SULT1C4: variants seen among roughly 807,000 people sequenced by gnomAD.
SULT1C4 encodes the protein sulfotransferase family 1C member 4.
Under a neutral mutation model 34.8 loss-of-function variants are expected in SULT1C4, and 32 were observed. The observed-to-expected ratio is 0.92, with a 90% CI of 0.69 to 1.23. The LOEUF (loss-of-function observed/expected upper bound fraction) is 1.23, where lower values mean the gene tolerates loss of function less well. SULT1C4 is among the 50% of genes most tolerant of loss of function. The pLI is 0.00. For synonymous variants in SULT1C4, 111 were observed against 120.5 expected (o/e 0.92, Z 0.51); for missense variants, 375 against 365.9 (o/e 1.02, Z -0.20).
chr2:108,387,437 G>A lies in SULT1C4; in HGVS notation c.*5G>A. On this transcript the variant is annotated 3_prime_UTR_variant, in exon 7 of 7. Transcript: ENST00000272452. ...ACTTTCCACTTCCAGTTCTAGTAAGGAAGAAAAACTGAAAATGTTTTAGTT... is the reference window on the plus strand; with the variant it reads ...ACTTTCCACTTCCAGTTCTAGTAAGAAAGAAAAACTGAAAATGTTTTAGTT... The A allele has an allele frequency of 6.3e-7, 1 of 1,587,326 alleles. No homozygotes were observed. The highest frequency in any genetic ancestry group is 2.2e-5 in the East Asian group (1 of 44,612).
At chr2:108,380,389 C>A (rs550131388) in intron 1 of SULT1C4, among the ~76,000 whole-genome samples, 20 of 152,166 alleles carry the variant, frequency 1.3e-4, no homozygotes, top group Admixed American at 3.9e-4. Flanking sequence ...GTGGTGTGCA[C>A]TCACAGTCCT....
chr2:108,378,435 A>G lies in SULT1C4; in HGVS notation c.98A>G (p.Asp33Gly). The change falls in exon 1 of 7, where the codon GAC becomes GGC. Residue 33 changes from aspartate to glycine, a missense_variant. Coordinates refer to ENST00000272452, the MANE Select transcript of SULT1C4 (RefSeq NM_006588.4). ...KGILQPTDTC[D>G]IWDKIWNFQA... is the part of the protein sequence containing the mutation. ...ATTCTTCAACCGACAGACACCTGTG[A>G]CATCTGGGATAAGATCTGGAACTTC... 1.9e-6 allele frequency: 3 copies of G among 1,614,202 alleles called. No individual in the cohort carries two copies. The highest frequency in any genetic ancestry group is 8.5e-7 in the Non-Finnish European group (1 of 1,180,030).
chr2:108,386,331 C>CA lies in SULT1C4; in HGVS notation c.755_756insA (p.Glu253Ter), dbSNP rs765782851. 6.4e-7 allele frequency: 1 copy of CA among 1,567,528 alleles called. No individual in the cohort carries two copies. Among genetic ancestry groups the CA allele is most frequent in the South Asian group, 1.2e-5 (1 of 81,124 alleles). On this transcript the variant is annotated frameshift_variant, in exon 6 of 7. Transcript: ENST00000272452. LOFTEE classifies it low-confidence loss of function (END_TRUNC). Reference sequence around the variant, plus strand: ...ATGGCAAACTATTCATCGATTCCTGCTGAAATCATGGACCACTCCATTTCT... The same window carrying CA: ...ATGGCAAACTATTCATCGATTCCTGCATGAAATCATGGACCACTCCATTTCT...
rs746928906 is a variant in SULT1C4 at position 108,386,328 on chromosome 2, C to G, written c.752C>G (p.Pro251Arg). The G allele has an allele frequency of 6.4e-7, 1 of 1,567,618 alleles. No individual in the cohort carries two copies. The highest frequency in any genetic ancestry group is 1.8e-5 in the Admixed American group (1 of 54,936). ...QNPMANYSSIPAEIMDHSISP... is the reference protein window; with the variant it reads ...QNPMANYSSIRAEIMDHSISP... ...CCAATGGCAAACTATTCATCGATTC[C>G]TGCTGAAATCATGGACCACTCCATT... Residue 251 changes from proline to arginine, a missense_variant, in exon 6 of 7, where the codon CCT (proline) becomes CGT (arginine). Transcript: ENST00000272452.
At position 108,388,504 on chromosome 2, in the gene SULT1C4, G is replaced by A. The variant is rs1414739210; in HGVS notation, c.*1072G>A. Among the ~76,000 whole-genome samples, 1 of 152,160 alleles carries A rather than the reference G, an allele frequency of 6.6e-6. No individual in the cohort carries two copies. The highest frequency in any genetic ancestry group is 1.5e-5 in the Non-Finnish European group (1 of 68,016). On this transcript the variant is annotated 3_prime_UTR_variant, in exon 7 of 7. Transcript: ENST00000272452. Reference sequence around the variant, plus strand: ...CCTTTTACTTCTTGCCTCAACTAGTGTAATAGCTTCCTAACCCATTTCTCT... The same window carrying A: ...CCTTTTACTTCTTGCCTCAACTAGTATAATAGCTTCCTAACCCATTTCTCT...
chr2:108,379,583 C>A (rs1456702513), intron 1 of SULT1C4, among the ~76,000 whole-genome samples: 1 of 152,126 alleles, frequency 6.6e-6, no homozygotes, highest in Non-Finnish European at 1.5e-5. Context: ...AGATATGGTT[C>A]ATTTAGGTTT....
chr2:108,386,909 G>A (rs1187983153), intron 6 of SULT1C4, among the ~76,000 whole-genome samples: 2 of 152,220 alleles, frequency 1.3e-5, no homozygotes, highest in Non-Finnish European at 2.9e-5. Flanking sequence ...AATTTGTGGG[G>A]GGAGGTCTTA....
chr2:108,388,825 T>C lies in SULT1C4; in HGVS notation c.*1393T>C, dbSNP rs1678636250. Among the ~76,000 whole-genome samples, 1 of 152,154 alleles carries C rather than the reference T, an allele frequency of 6.6e-6. No homozygotes were observed. Among genetic ancestry groups the C allele is most frequent in the South Asian group, 2.1e-4 (1 of 4,824 alleles). On this transcript the variant is annotated 3_prime_UTR_variant, in exon 7 of 7. Coordinates refer to ENST00000272452, the MANE Select transcript of SULT1C4 (RefSeq NM_006588.4). ...ATACCAAGCCTCCTCCTGAAATTTC[T>C]CTTCCTTTCTTTCTACCTACCCAAG...
chr2:108,386,908 G>C (rs552441203), intron 6 of SULT1C4, among the ~76,000 whole-genome samples: 12 of 152,338 alleles, frequency 7.9e-5, no homozygotes, highest in African/African-American at 2.6e-4. Context: ...GAATTTGTGG[G>C]GGGAGGTCTT....
intron 5 of SULT1C4, 72 bp downstream of exon 5, chr2:108,383,582 C>G: frequency 7.3e-7 from 1 of 1,369,680 alleles, no homozygotes. Context: ...TTGACCCCAT[C>G]AGGGACTCAG....
chr2:108,381,814 G>T lies in SULT1C4; in HGVS notation c.222G>T (p.Val74=). ...IVELIQNEGD[V]EKSKRAPTHQ... ...AATTAATACAAAATGAAGGTGATGTGGAGAAAAGTAAACGGGCACCGACTC... is the reference window on the plus strand; with the variant it reads ...AATTAATACAAAATGAAGGTGATGTTGAGAAAAGTAAACGGGCACCGACTC... Residue 74 remains valine (V), a synonymous_variant, in exon 2 of 7, where the codon GTG becomes GTT. Coordinates refer to ENST00000272452, the MANE Select transcript of SULT1C4 (RefSeq NM_006588.4). 6.7e-7 allele frequency: 1 copy of T among 1,495,722 alleles called. No individual in the cohort carries two copies. Among genetic ancestry groups the T allele is most frequent in the Non-Finnish European group, 8.9e-7 (1 of 1,126,758 alleles). 92.7% of individuals were successfully genotyped at this position (1,495,722 alleles called of 1,614,324 possible). A position where few individuals can be genotyped will look rare whatever the true frequency, so the allele number is the denominator to read the frequency against.
chr2:108,386,602 C>T (rs1426800291), intron 6 of SULT1C4, among the ~76,000 whole-genome samples: 2 of 152,204 alleles, frequency 1.3e-5, no homozygotes, highest in African/African-American at 4.8e-5. Flanking sequence ...CTTATCCCCA[C>T]TTTCCCTTAA....
chr2:108,378,760 T>C (rs1573292126), intron 1 of SULT1C4, among the ~76,000 whole-genome samples: 1 of 141,444 alleles, frequency 7.1e-6, no homozygotes. Flanking sequence ...CAGGAGAGAG[T>C]GAAAACAGTT....
intron 1 of SULT1C4, among the ~76,000 whole-genome samples, chr2:108,379,006 C>A (rs570563919): frequency 2.6e-5 from 4 of 152,252 alleles, no homozygotes; most frequent in Non-Finnish European, 5.9e-5. Flanking sequence ...AGTTTTGAAC[C>A]AACTGCCTTA....
At position 108,387,861 on chromosome 2, in the gene SULT1C4, A is replaced by C. The variant is rs1056439298; in HGVS notation, c.*429A>C. On this transcript the variant is annotated 3_prime_UTR_variant, in exon 7 of 7. Transcript: ENST00000272452. ...GCCCAGGCTGGAGTGCAGTGGCACG[A>C]TCTCGGCTCACTGCAAGCTCTGCTT... is the stretch of plus-strand genomic sequence containing the variant. The C allele has an allele frequency of 2.0e-5, 3 of 149,520 alleles. No homozygotes were observed. The highest frequency in any genetic ancestry group is 7.6e-5 in the African/African-American group (3 of 39,418). 9.3% of individuals were successfully genotyped at this position (149,520 alleles called of 1,614,324 possible).
chr2:108,387,574 A>C lies in SULT1C4; in HGVS notation c.*142A>C, dbSNP rs1678600960. 1.6e-6 allele frequency: 1 copy of C among 641,518 alleles called. No individual in the cohort carries two copies. The highest frequency in any genetic ancestry group is 2.6e-6 in the Non-Finnish European group (1 of 387,490). The allele number at this position is 641,518 out of a possible 1,614,324, so 39.7% of individuals were successfully genotyped here. A position where few individuals can be genotyped will look rare whatever the true frequency, so the allele number is the denominator to read the frequency against. On this transcript the variant is annotated 3_prime_UTR_variant, in exon 7 of 7. Transcript: ENST00000272452. ...GTTTGCTCTTATTCACTCTACTAAA[A>C]AATTATTTTAAAAGGCTGGAGGCAA...
chr2:108,378,268 T>C lies in SULT1C4; in HGVS notation c.-70T>C. The C allele has an allele frequency of 1.4e-6, 2 of 1,475,974 alleles. No individual in the cohort carries two copies. The highest frequency in any genetic ancestry group is 1.9e-6 in the Non-Finnish European group (2 of 1,073,288). 91.4% of individuals were successfully genotyped at this position (1,475,974 alleles called of 1,614,324 possible). A position where few individuals can be genotyped will look rare whatever the true frequency, so the allele number is the denominator to read the frequency against. ...TGTGGTGGATAGAGTGCTGCCTCTATCCACAACGCAGCCATATGCTGACTG... is the reference window on the plus strand; with the variant it reads ...TGTGGTGGATAGAGTGCTGCCTCTACCCACAACGCAGCCATATGCTGACTG... On this transcript the variant is annotated 5_prime_UTR_variant, in exon 1 of 7. Coordinates refer to ENST00000272452, the MANE Select transcript of SULT1C4 (RefSeq NM_006588.4).
At chr2:108,380,338 ACTC>A (rs1284362955) in intron 1 of SULT1C4, among the ~76,000 whole-genome samples, 7 of 151,364 alleles carry the variant, frequency 4.6e-5, no homozygotes, top group Non-Finnish European at 8.8e-5. Flanking sequence ...ACATAGGGAG[ACTC>A]CTATGTACAA....
chr2:108,383,003 C>T, intron 3 of SULT1C4, 90 bp from the exon 4 acceptor site: 1 of 1,308,684 alleles, frequency 7.6e-7, no homozygotes, highest in Non-Finnish European at 9.9e-7. Flanking sequence ...TCTACCCTAA[C>T]ATGACTTGCC....
Sources: allele counts gnomAD v4.1 joint callset (sites outside exome capture counted in the v4.1 genomes callset), GRCh38; gene constraint gnomAD v4.1.1; transcripts MANE v1.5; gene names NCBI Gene and HGNC (gene_info 2026-07-23, HGNC 2026-07-21).